Variants in NDUFAF2 observed in about 807,000 individuals in gnomAD.
The protein encoded by NDUFAF2 is NADH dehydrogenase [ubiquinone] 1 alpha subcomplex assembly factor 2.
Under a neutral mutation model 22.8 loss-of-function variants are expected in NDUFAF2, and 13 were observed. The ratio of observed to expected loss-of-function variants is 0.57; its 90% CI spans 0.37 to 0.91. The LOEUF is 0.91. Ranked by LOEUF, NDUFAF2 falls within the 40% of genes least tolerant of loss-of-function variation. NDUFAF2 has a pLI of 0.01. For missense variants in NDUFAF2, 162 were observed against 195.2 expected, an observed-to-expected ratio of 0.83 and a Z score of 1.01; for synonymous variants, 53 against 64.2, an observed-to-expected ratio of 0.83 and a Z score of 0.84.
At chr5:60,969,608 A>G (rs910879519) in intron 1 of NDUFAF2, among the ~76,000 whole-genome samples, 5 of 152,052 alleles carry the variant, frequency 3.3e-5, no homozygotes, top group African/African-American at 1.2e-4. Flanking sequence ...AGCTCCTTCT[A>G]TATTCTGGTT....
chr5:61,001,817 T>A (rs1312770708), intron 1 of NDUFAF2, among the ~76,000 whole-genome samples: 5 of 152,146 alleles, frequency 3.3e-5, no homozygotes, highest in African/African-American at 1.2e-4. Flanking sequence ...TATGGTCACC[T>A]TATATAACAC....
intron 2 of NDUFAF2, among the ~76,000 whole-genome samples, chr5:61,086,589 C>A (rs747832105): frequency 3.3e-5 from 5 of 151,942 alleles, no homozygotes; most frequent in Non-Finnish European, 7.4e-5. Flanking sequence ...AAAATATAAA[C>A]CTTGAACATT....
At chr5:61,030,401 T>C (rs2112609135) in intron 1 of NDUFAF2, among the ~76,000 whole-genome samples, 1 of 152,228 alleles carries the variant, frequency 6.6e-6, no homozygotes, top group East Asian at 1.9e-4. Flanking sequence ...ATTCCCATTT[T>C]CTCATTCCCC....
Position 61,152,553 on chromosome 5 carries a change from A to T in NDUFAF2, c.259-151A>T, listed in dbSNP as rs545156565. The T allele has an allele frequency of 1.4e-5, 7 of 499,712 alleles. No individual in the cohort carries two copies. The African/African-American group carries it at 1.4e-4, about 10-fold the overall frequency. The allele number at this position is 499,712 out of a possible 1,614,324, so 31.0% of individuals were successfully genotyped here. On this transcript the variant is annotated intron_variant, in intron 3 of 3. Coordinates refer to ENST00000296597, the MANE Select transcript of NDUFAF2 (RefSeq NM_174889.5). ...GTATGTAATCATACAGCTTTTTCAA[A>T]CTTATATACATATCTGTATATTATT... is the stretch of plus-strand genomic sequence containing the variant.
At chr5:61,150,374 C>T (rs1265101782) in intron 3 of NDUFAF2, among the ~76,000 whole-genome samples, 1 of 152,058 alleles carries the variant, frequency 6.6e-6, no homozygotes, top group Non-Finnish European at 1.5e-5. Flanking sequence ...TTAGGAAAAA[C>T]TATAGTCTCC....
intron 1 of NDUFAF2, among the ~76,000 whole-genome samples, chr5:61,013,067 T>TA (rs1200585596): frequency 1.3e-5 from 2 of 151,468 alleles, no homozygotes; most frequent in East Asian, 1.9e-4. Flanking sequence ...TACCTTGGAA[T>TA]AAAAAAAAAT....
At chr5:61,007,745 A>G (rs552732850) in intron 1 of NDUFAF2, among the ~76,000 whole-genome samples, 3 of 152,172 alleles carry the variant, frequency 2.0e-5, no homozygotes, top group Non-Finnish European at 4.4e-5. Context: ...TCAGTGTGGC[A>G]ATTCCTCAAG....
chr5:61,034,569 A>G (rs536510523), intron 1 of NDUFAF2, among the ~76,000 whole-genome samples: 1 of 152,360 alleles, frequency 6.6e-6, no homozygotes, highest in East Asian at 1.9e-4. Context: ...TATTTTAAGT[A>G]TACAAAAATG....
At chr5:61,071,820 G>A (rs567234510) in intron 1 of NDUFAF2, among the ~76,000 whole-genome samples, 16 of 152,244 alleles carry the variant, frequency 1.1e-4, no homozygotes, top group African/African-American at 3.4e-4. Flanking sequence ...AAGCCTACCT[G>A]GTTTCCCCAG....
chr5:61,069,487 T>G (rs559487179), intron 1 of NDUFAF2, among the ~76,000 whole-genome samples: 387 of 152,276 alleles, frequency 2.5e-3, no homozygotes, highest in Middle Eastern at 0.017. Context: ...GCACATTAAG[T>G]CAGTGATTAC....
intron 1 of NDUFAF2, among the ~76,000 whole-genome samples, chr5:61,054,229 T>A (rs2111703709): frequency 6.6e-6 from 1 of 152,258 alleles, no homozygotes; most frequent in South Asian, 2.1e-4. Context: ...AATAAAAATA[T>A]AACATCTTAA....
At chr5:61,018,387 A>G (rs1366091710) in intron 1 of NDUFAF2, among the ~76,000 whole-genome samples, 2 of 152,184 alleles carry the variant, frequency 1.3e-5, no homozygotes. Context: ...TGTCGTGTCT[A>G]TAGTCATTAT....
At chr5:61,120,478 G>A (rs573280987) in intron 3 of NDUFAF2, among the ~76,000 whole-genome samples, 38 of 152,106 alleles carry the variant, frequency 2.5e-4, no homozygotes, top group Admixed American at 2.6e-4. Context: ...CTAAAAGGAC[G>A]GTTTCTTACA....
chr5:61,091,790 G>A (rs1046307070), intron 2 of NDUFAF2, among the ~76,000 whole-genome samples: 3 of 152,084 alleles, frequency 2.0e-5, no homozygotes, highest in African/African-American at 4.8e-5. Context: ...ATGCTCAGTG[G>A]TATTGCCTAA....
intron 1 of NDUFAF2, among the ~76,000 whole-genome samples, chr5:60,992,700 G>T (rs329620): frequency 6.6e-6 from 1 of 151,874 alleles, no homozygotes; most frequent in Non-Finnish European, 1.5e-5. Flanking sequence ...AGCATTTCTT[G>T]TAGGAAGCTC....
At chr5:61,044,482 CT>C (rs1449454025) in intron 1 of NDUFAF2, among the ~76,000 whole-genome samples, 1 of 152,046 alleles carries the variant, frequency 6.6e-6, no homozygotes, top group Non-Finnish European at 1.5e-5. Flanking sequence ...CCATTTAGGT[CT>C]TACATTTAAG....
At chr5:60,967,381 A>G (rs907478375) in intron 1 of NDUFAF2, among the ~76,000 whole-genome samples, 3 of 152,054 alleles carry the variant, frequency 2.0e-5, no homozygotes, top group Non-Finnish European at 4.4e-5. Context: ...ACTATGTTGA[A>G]TACAAGTGGT....
intron 1 of NDUFAF2, among the ~76,000 whole-genome samples, chr5:61,041,961 TATCATGTGAGTGA>T (rs1376756646): frequency 6.6e-6 from 1 of 152,208 alleles, no homozygotes; most frequent in East Asian, 1.9e-4. Context: ...TTTCCTGACA[TATCATGTGAGTGA>T]ATCATATGGG....
chr5:61,099,381 A>T (rs1207854792), intron 3 of NDUFAF2, among the ~76,000 whole-genome samples: 1 of 151,398 alleles, frequency 6.6e-6, no homozygotes, highest in Non-Finnish European at 1.5e-5. Flanking sequence ...CCAATACTCA[A>T]GCTTTTGTGG....
Sources: gnomAD v4.1 joint callset for allele counts (sites outside exome capture counted in the v4.1 genomes callset) on GRCh38, gnomAD v4.1.1 for gene constraint, MANE v1.5 for transcripts, NCBI Gene and HGNC (gene_info 2026-07-23, HGNC 2026-07-21) for gene names.